COL4A2: variants seen among roughly 807,000 people sequenced by gnomAD.
COL4A2 encodes the protein collagen alpha-2(IV) chain.
A neutral mutation model predicts 200.2 loss-of-function variants in COL4A2; 99 were observed. That is an observed-to-expected ratio of 0.49 (90% confidence interval 0.42 to 0.58). COL4A2 has a LOEUF of 0.58. COL4A2 is among the 20% of genes least tolerant of loss of function. The pLI is 0.00. For missense variants in COL4A2, 1,950 were observed against 2,314.1 expected (o/e 0.84, Z 3.23); for synonymous variants, 897 against 900.6 (o/e 1.00, Z 0.07).
chr13:110,449,692 C>G lies in COL4A2; in HGVS notation c.1092C>G (p.Asp364Glu). 6.5e-7 allele frequency: 1 copy of G among 1,548,796 alleles called. No individual in the cohort carries two copies. The highest frequency in any genetic ancestry group is 8.7e-7 in the Non-Finnish European group (1 of 1,145,448). The change falls in exon 19 of 48, where the codon GAC becomes GAG. Residue 364 changes from aspartate (D) to glutamate (E), a missense_variant. By Grantham distance (45) the Asp-to-Glu change is conservative. This residue lies in a region of COL4A2 where 565 missense variants were observed against 593.5 expected (regional missense o/e 0.95). Transcript: ENST00000360467. ...TTTCCCTTCCAGGTGCCAGAGGTGA[C>G]CCGGGATTCCCAGGGGCCCAAGGGG... ...HPSLAKGARG[D>E]PGFPGAQGEP... is the part of the protein sequence containing the mutation.
chr13:110,440,678 G>A (rs1881086324), intron 16 of COL4A2, among the ~76,000 whole-genome samples: 1 of 152,180 alleles, frequency 6.6e-6, no homozygotes, highest in African/African-American at 2.4e-5. Flanking sequence ...CTGAACTCTA[G>A]GTCATACACA....
chr13:110,505,835 C>G (rs1178116067), intron 45 of COL4A2, among the ~76,000 whole-genome samples: 1 of 152,158 alleles, frequency 6.6e-6, no homozygotes, highest in African/African-American at 2.4e-5. Flanking sequence ...GCCTGCGATA[C>G]TCCTCCGGAC....
intron 21 of COL4A2, chr13:110,457,640 G>C (rs1387104325): frequency 1.2e-5 from 8 of 682,274 alleles, no homozygotes; most frequent in Non-Finnish European, 1.9e-5. Context: ...TCGGCCCCCA[G>C]GCTCACCGTC....
chr13:110,390,894 T>C (rs1036454389), intron 4 of COL4A2, among the ~76,000 whole-genome samples: 1 of 152,234 alleles, frequency 6.6e-6, no homozygotes, highest in African/African-American at 2.4e-5. Context: ...CCCTCATCTT[T>C]TATATTGAAA....
chr13:110,371,199 C>T (rs1007172504), intron 4 of COL4A2, among the ~76,000 whole-genome samples: 3 of 152,124 alleles, frequency 2.0e-5, no homozygotes, highest in East Asian at 1.9e-4. Context: ...TCCTAGCAGC[C>T]GCTGACATAG....
rs151085372 is a variant in COL4A2 at position 110,384,707 on chromosome 13, C to G, written c.180+27155C>G. Among the ~76,000 whole-genome samples the G allele has an allele frequency of 9.8e-5, 15 of 152,324 alleles. No individual in the cohort carries two copies. The East Asian group carries it at 2.5e-3, about 25-fold the overall frequency. Reference sequence around the variant, plus strand: ...GTCCCAAACACCTGCCTTCCCAAGCCAAGTCACAGCTGAGCCCTGTGTCCT... The same window carrying G: ...GTCCCAAACACCTGCCTTCCCAAGCGAAGTCACAGCTGAGCCCTGTGTCCT... On this transcript the variant is annotated intron_variant, in intron 4 of 47. Transcript: ENST00000360467.
chr13:110,427,441 C>T (rs532704358), intron 6 of COL4A2, among the ~76,000 whole-genome samples: 2 of 152,304 alleles, frequency 1.3e-5, no homozygotes, highest in Admixed American at 6.5e-5. Flanking sequence ...TGAGCCACTG[C>T]GCCCAGCCAA....
chr13:110,326,717 C>G (rs1438762109), intron 3 of COL4A2, among the ~76,000 whole-genome samples: 2 of 152,192 alleles, frequency 1.3e-5, no homozygotes, highest in Admixed American at 6.5e-5. Flanking sequence ...GACTCCTGGT[C>G]TGCTGGGAGG....
At chr13:110,405,684 C>A (rs1879539663) in intron 4 of COL4A2, among the ~76,000 whole-genome samples, 1 of 152,184 alleles carries the variant, frequency 6.6e-6, no homozygotes, top group Non-Finnish European at 1.5e-5. Context: ...CAGGCATGGA[C>A]AACTTACACA....
chr13:110,485,170 TC>T, intron 33 of COL4A2, 143 bp downstream of exon 33: 1 of 691,196 alleles, frequency 1.4e-6, no homozygotes. Flanking sequence ...GCCCTGTGTG[TC>T]CATAGCTGGC....
At chr13:110,511,031 C>T (rs1336190510) in intron 47 of COL4A2, among the ~76,000 whole-genome samples, 1 of 152,006 alleles carries the variant, frequency 6.6e-6, no homozygotes, top group Non-Finnish European at 1.5e-5. Flanking sequence ...CCAAATATAT[C>T]ATAGAACAGC....
At chr13:110,365,813 A>C (rs1877721615) in intron 4 of COL4A2, among the ~76,000 whole-genome samples, 1 of 152,198 alleles carries the variant, frequency 6.6e-6, no homozygotes, top group Non-Finnish European at 1.5e-5. Context: ...AGGAATGTAA[A>C]ACTCCATTGC....
chr13:110,369,537 C>T (rs1374498527), intron 4 of COL4A2, among the ~76,000 whole-genome samples: 1 of 152,172 alleles, frequency 6.6e-6, no homozygotes, highest in Non-Finnish European at 1.5e-5. Context: ...AAATCTAACA[C>T]CATTAATAGA....
At chr13:110,313,255 C>G (rs1289682136) in intron 3 of COL4A2, among the ~76,000 whole-genome samples, 1 of 152,158 alleles carries the variant, frequency 6.6e-6, no homozygotes, top group Non-Finnish European at 1.5e-5. Flanking sequence ...GAGACCCTGT[C>G]AGGACAGGTG....
At position 110,373,957 on chromosome 13, in the gene COL4A2, G is replaced by A. The variant is rs550026326; in HGVS notation, c.180+16405G>A. ...GTGCAGCCGTGGCCAGTTTTTGCAC[G>A]GCCGCAGTAGAGACTTGGCACCCTG... is the stretch of plus-strand genomic sequence containing the variant. On this transcript the variant is annotated intron_variant, in intron 4 of 47. Transcript: ENST00000360467. 6.6e-5 allele frequency among the ~76,000 whole-genome samples: 10 copies of A among 152,330 alleles called. No homozygotes were observed. The South Asian group carries it at 1.0e-3, about 16-fold the overall frequency.
intron 34 of COL4A2, among the ~76,000 whole-genome samples, chr13:110,487,618 T>C (rs1209547982): frequency 6.6e-6 from 1 of 152,244 alleles, no homozygotes; most frequent in African/African-American, 2.4e-5. Context: ...CACAGCATTA[T>C]CTGTGCATTT....
At chr13:110,320,125 C>T (rs966728261) in intron 3 of COL4A2, among the ~76,000 whole-genome samples, 13 of 152,366 alleles carry the variant, frequency 8.5e-5, no homozygotes, top group African/African-American at 2.9e-4. Context: ...CTCTGTCCAC[C>T]CGAAGGTTCT....
At chr13:110,356,062 T>C (rs1458400536) in intron 3 of COL4A2, among the ~76,000 whole-genome samples, 7 of 148,336 alleles carry the variant, frequency 4.7e-5, no homozygotes, top group Non-Finnish European at 7.5e-5. Context: ...ACTGTCACGA[T>C]TTGAAAGGAA....
At chr13:110,496,744 A>C (rs1883470437) in intron 40 of COL4A2, among the ~76,000 whole-genome samples, 1 of 150,564 alleles carries the variant, frequency 6.6e-6, no homozygotes, top group African/African-American at 2.5e-5. Flanking sequence ...AGGTCAGTCC[A>C]CCAGCACAGC....
Sources: allele counts gnomAD v4.1 joint callset (sites outside exome capture counted in the v4.1 genomes callset), GRCh38; gene constraint gnomAD v4.1.1; regional missense constraint gnomAD v4.1.1; transcripts MANE v1.5; gene names NCBI Gene and HGNC (gene_info 2026-07-23, HGNC 2026-07-21).